The following LINGO2 variants were observed in gnomAD, a reference collection of about 807,000 sequenced individuals.
LINGO2 encodes leucine-rich repeat and immunoglobulin-like domain-containing nogo receptor-interacting protein 2.
In LINGO2, 14 loss-of-function variants were observed where a neutral mutation model predicts 30.6. That is an observed-to-expected ratio of 0.46 (90% confidence interval 0.30 to 0.72). The LOEUF (loss-of-function observed/expected upper bound fraction) is 0.72. Ranked by LOEUF, LINGO2 falls within the 30% of genes least tolerant of loss-of-function variation. LINGO2 has a pLI of 0.07. For synonymous variants in LINGO2, 317 were observed against 288.5 expected (o/e 1.10, Z -1.00); for missense variants, 729 against 751.7 (o/e 0.97, Z 0.35).
chr9:29,016,496 A>G, the LINGO2 span, among the ~76,000 whole-genome samples: 312 of 152,322 alleles, frequency 2.0e-3, 3 homozygotes, highest in African/African-American at 7.0e-3. Flanking sequence ...ACCACAGATC[A>G]TTATGAAAAT....
the LINGO2 span, among the ~76,000 whole-genome samples, chr9:28,981,354 C>T: frequency 8.3e-6 from 1 of 119,838 alleles, no homozygotes; most frequent in African/African-American, 2.8e-5. Context: ...GTTTATTTTT[C>T]CTCTACTTAA....
At chr9:28,408,776 A>C (rs12377314) in intron 2 of LINGO2, among the ~76,000 whole-genome samples, 1 of 45,230 alleles carries the variant, frequency 2.2e-5, no homozygotes, top group South Asian at 6.2e-4. Flanking sequence ...TAAAAAAACA[A>C]AAAAAAAAAA....
chr9:28,880,084 T>C, the LINGO2 span, among the ~76,000 whole-genome samples: 2 of 152,190 alleles, frequency 1.3e-5, no homozygotes, highest in South Asian at 2.1e-4. Context: ...TTGAATGAAA[T>C]TGAACTCTGC....
At chr9:28,069,998 T>A (rs1825425754) in intron 4 of LINGO2, among the ~76,000 whole-genome samples, 1 of 152,196 alleles carries the variant, frequency 6.6e-6, no homozygotes, top group African/African-American at 2.4e-5. Context: ...CAACAGCAGA[T>A]GGGCAGTGCA....
At chr9:28,057,161 T>C (rs1249419093) in intron 4 of LINGO2, among the ~76,000 whole-genome samples, 3 of 152,194 alleles carry the variant, frequency 2.0e-5, no homozygotes, top group Admixed American at 2.0e-4. Context: ...AAGATGTCTA[T>C]GCCTGTTCTA....
intron 5 of LINGO2, among the ~76,000 whole-genome samples, chr9:28,008,058 A>G (rs554534607): frequency 4.3e-4 from 66 of 152,242 alleles, no homozygotes; most frequent in African/African-American, 1.5e-3. Flanking sequence ...GGCTTTTGTT[A>G]TATGTCCTAA....
chr9:28,556,409 G>A (rs1467526584), intron 1 of LINGO2, among the ~76,000 whole-genome samples: 3 of 151,928 alleles, frequency 2.0e-5, no homozygotes, highest in African/African-American at 7.3e-5. Flanking sequence ...GCTTCAAAGA[G>A]AATAAAATAC....
intron 4 of LINGO2, among the ~76,000 whole-genome samples, chr9:28,047,087 A>C (rs976817453): frequency 6.6e-6 from 1 of 152,132 alleles, no homozygotes; most frequent in Non-Finnish European, 1.5e-5. Flanking sequence ...GCAGACAGTA[A>C]ATAGATTAAG....
the LINGO2 span, among the ~76,000 whole-genome samples, chr9:28,727,644 T>C: frequency 6.6e-6 from 1 of 152,048 alleles, no homozygotes; most frequent in African/African-American, 2.4e-5. Flanking sequence ...TTTAGATAGA[T>C]AAAACAGTCA....
chr9:27,947,447 A>AG (rs1316801415), downstream of LINGO2, among the ~76,000 whole-genome samples: 7 of 152,304 alleles, frequency 4.6e-5, no homozygotes, highest in Non-Finnish European at 8.8e-5. Context: ...TCCTCAGTGG[A>AG]GAAAAAAAAC....
the LINGO2 span, among the ~76,000 whole-genome samples, chr9:29,188,011 A>G: frequency 1.8e-4 from 22 of 120,836 alleles, no homozygotes; most frequent in Admixed American, 3.5e-4. Context: ...TTTTTGACAG[A>G]GTCTTTTTTT....
the LINGO2 span, among the ~76,000 whole-genome samples, chr9:28,949,845 G>C: frequency 1.3e-5 from 2 of 151,702 alleles, no homozygotes; most frequent in African/African-American, 4.8e-5. Flanking sequence ...TGATGAACAG[G>C]GATATTGTTC....
intron 2 of LINGO2, among the ~76,000 whole-genome samples, chr9:28,397,843 G>C (rs796451420): frequency 2.6e-5 from 4 of 151,980 alleles, no homozygotes; most frequent in Admixed American, 1.3e-4. Flanking sequence ...CACCATACCC[G>C]GCCAATAGAT....
In LINGO2 at chr9:27,997,087, C is replaced by T. The variant is rs1378219364; in HGVS notation, c.-36+15268G>A. 2.0e-5 allele frequency among the ~76,000 whole-genome samples: 3 copies of T among 152,148 alleles called. No individual in the cohort carries two copies. The East Asian group carries it at 5.8e-4, about 29-fold the overall frequency. Reference sequence around the variant, plus strand: ...TCATATACACATATTCAGCAAGATTCCTTACAATACCATCAGTTACTTCTG... The same window carrying T: ...TCATATACACATATTCAGCAAGATTTCTTACAATACCATCAGTTACTTCTG... On this transcript the variant is annotated intron_variant, in intron 5 of 5. Coordinates refer to ENST00000379992, the Ensembl canonical transcript of LINGO2.
the LINGO2 span, among the ~76,000 whole-genome samples, chr9:29,163,991 A>C: frequency 6.6e-6 from 1 of 151,928 alleles, no homozygotes; most frequent in African/African-American, 2.4e-5. Context: ...TGTGATTTCC[A>C]TGTCTAGGTC....
At chr9:28,665,995 G>A (rs1268284530) in intron 1 of LINGO2, among the ~76,000 whole-genome samples, 1 of 151,164 alleles carries the variant, frequency 6.6e-6, no homozygotes, top group African/African-American at 2.4e-5. Context: ...GGGTTCAAGC[G>A]ATTCTCCTGC....
chr9:28,535,760 C>T (rs1240789395), intron 1 of LINGO2, among the ~76,000 whole-genome samples: 2 of 151,948 alleles, frequency 1.3e-5, no homozygotes, highest in Admixed American at 1.3e-4. Context: ...CTAAACTGGA[C>T]AGCTACACTT....
intron 4 of LINGO2, among the ~76,000 whole-genome samples, chr9:28,040,850 A>G (rs1824168043): frequency 6.6e-6 from 1 of 152,186 alleles, no homozygotes; most frequent in South Asian, 2.1e-4. Context: ...CCACTAAAAA[A>G]TATACTCTGC....
At chr9:29,213,493 GC>G in the LINGO2 span, among the ~76,000 whole-genome samples, 3 of 152,196 alleles carry the variant, frequency 2.0e-5, no homozygotes, top group South Asian at 6.2e-4. Context: ...CGGGCGGCGG[GC>G]GGCGGCGCCA....
Sources: gnomAD v4.1 joint callset for allele counts (sites outside exome capture counted in the v4.1 genomes callset) on GRCh38, gnomAD v4.1.1 for gene constraint, MANE v1.5 for transcripts, NCBI Gene and HGNC (gene_info 2026-07-23, HGNC 2026-07-21) for gene names.